GORASP1: variants seen among roughly 807,000 people sequenced by gnomAD.
The protein encoded by GORASP1 is golgi reassembly stacking protein 1, also known as Golgi reassembly-stacking protein 1.
A neutral mutation model predicts 37.7 loss-of-function variants in GORASP1; 31 were observed. That is an observed-to-expected ratio of 0.82 (90% CI 0.62 to 1.11). The LOEUF is 1.11. Ranked by LOEUF, GORASP1 falls within the 50% of genes least tolerant of loss-of-function variation. The pLI is 0.00. For missense variants in GORASP1, 476 were observed against 560.7 expected (o/e 0.85, Z 1.53); for synonymous variants, 204 against 224.8 (o/e 0.91, Z 0.83).
intron 1 of GORASP1, among the ~76,000 whole-genome samples, chr3:39,104,479 G>C (rs1262040915): frequency 1.3e-5 from 2 of 152,182 alleles, no homozygotes; most frequent in African/African-American, 4.8e-5. Flanking sequence ...CACACCCTCA[G>C]GTCTTTGGCT....
At chr3:39,106,855 A>G in intron 1 of GORASP1, 2 of 275,644 alleles carry the variant, frequency 7.3e-6, no homozygotes, top group Non-Finnish European at 1.5e-5. Flanking sequence ...ATGTAGCGGC[A>G]TCTAAAGGCT....
Position 39,098,683 on chromosome 3 carries a change from G to A in GORASP1, c.1069+58C>T. Reference sequence around the variant, plus strand: ...CTGCCCAGCTGAGGAATTGAGGGCAGCCTTCCCAACAACCCGGGGTCCTTC... The same window carrying A: ...CTGCCCAGCTGAGGAATTGAGGGCAACCTTCCCAACAACCCGGGGTCCTTC... On this transcript the variant is annotated intron_variant, in intron 8 of 8. Transcript: ENST00000319283. This position sits in a 1 kb window ranked among gnomAD's most constrained non-coding sequence, Gnocchi z 4.7. 13 of 1,584,864 alleles carry A rather than the reference G, an allele frequency of 8.2e-6. No individual in the cohort carries two copies. The highest frequency in any genetic ancestry group is 1.1e-5 in the Non-Finnish European group (13 of 1,164,484).
At position 39,105,571 on chromosome 3, in the gene GORASP1, C is replaced by T. The variant is rs545773801; in HGVS notation, c.63+1908G>A. On this transcript the variant is annotated intron_variant, in intron 1 of 8. Coordinates refer to ENST00000319283, the MANE Select transcript of GORASP1 (RefSeq NM_031899.4). The surrounding 1 kb of genome is among the most constrained non-coding windows in gnomAD (Gnocchi z 5.4). ...CCTAACCACTGCCCTCTCCTAACAG[C>T]TGTTTCCTGGTGAATCTGCCACTAC... Among the ~76,000 whole-genome samples the T allele has an allele frequency of 6.6e-6, 1 of 152,340 alleles. No individual in the cohort carries two copies. The highest frequency in any genetic ancestry group is 6.5e-5 in the Admixed American group (1 of 15,312).
In GORASP1 at chr3:39,100,952, C is replaced by G. The variant is rs746074207; in HGVS notation, c.435+64G>C. ...AACAAAACCAGACACTTCTCATGGA[C>G]AGCACCCTTCTCTTCACACCACATC... On this transcript the variant is annotated intron_variant, in intron 4 of 8. Transcript: ENST00000319283. This position sits in a 1 kb window ranked among gnomAD's most constrained non-coding sequence, Gnocchi z 4.6. 6.2e-7 allele frequency: 1 copy of G among 1,613,512 alleles called. No individual in the cohort carries two copies. Among genetic ancestry groups the G allele is most frequent in the Non-Finnish European group, 8.5e-7 (1 of 1,179,392 alleles).
Position 39,107,507 on chromosome 3 carries a change from C to T in GORASP1, c.35G>A (p.Gly12Asp). ...GLGVSAEQPA[G>D]GAEGFHLHGV... ...GTGGAGGTGGAAGCCCTCGGCGCCGCCTGCGGGCTGCTCAGCGCTGACGCC... is the reference window on the plus strand; with the variant it reads ...GTGGAGGTGGAAGCCCTCGGCGCCGTCTGCGGGCTGCTCAGCGCTGACGCC... The change falls in exon 1 of 9, where the codon GGC (glycine) becomes GAC (aspartate). Residue 12 changes from glycine to aspartate, a missense_variant. Coordinates refer to ENST00000319283, the MANE Select transcript of GORASP1 (RefSeq NM_031899.4). 1 of 1,468,972 alleles carries T rather than the reference C, an allele frequency of 6.8e-7. No homozygotes were observed. The highest frequency in any genetic ancestry group is 8.9e-7 in the Non-Finnish European group (1 of 1,119,774). The allele number at this position is 1,468,972 out of a possible 1,614,324, so 91.0% of individuals were successfully genotyped here. A position where few individuals can be genotyped will look rare whatever the true frequency, so the allele number is the denominator to read the frequency against.
chr3:39,100,283 T>A lies in GORASP1; in HGVS notation c.765+22A>T. On this transcript the variant is annotated intron_variant, in intron 6 of 8. Coordinates refer to ENST00000319283, the MANE Select transcript of GORASP1 (RefSeq NM_031899.4). This position sits in a 1 kb window ranked among gnomAD's most constrained non-coding sequence, Gnocchi z 4.6. ...CCTCTAGAGTTTTCTGTCTTCCCAG[T>A]TGGCAGATTCTCCCCACATACCTCC... 1 of 1,609,192 alleles carries A rather than the reference T, an allele frequency of 6.2e-7. No homozygotes were observed. Among genetic ancestry groups the A allele is most frequent in the South Asian group, 1.1e-5 (1 of 91,004 alleles).
In GORASP1 at chr3:39,107,602, C is replaced by A; in HGVS notation, c.-61G>T. On this transcript the variant is annotated 5_prime_UTR_variant, in exon 1 of 9. Transcript: ENST00000319283. ...GCTGCGCCTACCCGGACCGACCCGA[C>A]GCCAGTAGCACCGACTCGCTCTCTC... The A allele has an allele frequency of 7.1e-7, 1 of 1,410,186 alleles. No individual in the cohort carries two copies. The highest frequency in any genetic ancestry group is 1.3e-5 in the South Asian group (1 of 75,010). 87.4% of individuals were successfully genotyped at this position (1,410,186 alleles called of 1,614,324 possible). A position where few individuals can be genotyped will look rare whatever the true frequency, so the allele number is the denominator to read the frequency against.
rs368825681 is a variant in GORASP1, at chr3:39,098,187, A to G, written c.*49T>C. On this transcript the variant is annotated 3_prime_UTR_variant, in exon 9 of 9. Transcript: ENST00000319283. This position sits in a 1 kb window ranked among gnomAD's most constrained non-coding sequence, Gnocchi z 4.7. ...AGTGCAGCCCGGGCTGCCTGCCCAC[A>G]TCTGGGCCTCATGAAATGTCATCAT... 2.5e-6 allele frequency: 4 copies of G among 1,593,204 alleles called. No homozygotes were observed. Among genetic ancestry groups the G allele is most frequent in the African/African-American group, 2.7e-5 (2 of 74,596 alleles).
chr3:39,103,695 G>A lies in GORASP1; in HGVS notation c.64-142C>T, dbSNP rs7629643. The A allele has an allele frequency of 0.26, 148,625 of 571,422 alleles. 28,653 individuals carry two copies. The highest frequency in any genetic ancestry group is 0.79 in the African/African-American group (41,409 of 52,160). The allele number at this position is 571,422 out of a possible 1,614,324, so 35.4% of individuals were successfully genotyped here. On this transcript the variant is annotated intron_variant, in intron 1 of 8. Transcript: ENST00000319283. This position sits in a 1 kb window ranked among gnomAD's most constrained non-coding sequence, Gnocchi z 5.2. ...GCATGAACTGTTCCGGACATTCTCA[G>A]GGTTCACTCCATGGCCTCTTGCTAC...
At position 39,102,772 on chromosome 3, in the gene GORASP1, A is replaced by G. The variant is rs1041596608; in HGVS notation, c.254T>C (p.Val85Ala). 6.8e-6 allele frequency: 11 copies of G among 1,614,070 alleles called. No homozygotes were observed. The highest frequency in any genetic ancestry group is 1.1e-5 in the South Asian group (1 of 91,092). ...CTGGCCGCCCCACATGTTGCTGGGC[A>G]CCACCTCCACCTCGCGCACCCTCAT... ...KTMRVREVEV[V>A]PSNMWGGQGL... The change falls in exon 3 of 9, where the codon GTG becomes GCG. Residue 85 changes from valine to alanine, a missense_variant. Physicochemically the swap from Val to Ala is moderately conservative, Grantham distance 64. Transcript: ENST00000319283. This position sits in a 1 kb window ranked among gnomAD's most constrained non-coding sequence, Gnocchi z 5.0.
rs1466170958 is a variant in GORASP1 at position 39,098,720 on chromosome 3, C to T, written c.1069+21G>A. On this transcript the variant is annotated intron_variant, in intron 8 of 8. Coordinates refer to ENST00000319283, the MANE Select transcript of GORASP1 (RefSeq NM_031899.4). This position sits in a 1 kb window ranked among gnomAD's most constrained non-coding sequence, Gnocchi z 4.7. Reference sequence around the variant, plus strand: ...ACCCGGGGTCCTTCCCAGAGGACTTCGGAAGGTGATGGCCACTCACCACCC... The same window carrying T: ...ACCCGGGGTCCTTCCCAGAGGACTTTGGAAGGTGATGGCCACTCACCACCC... 2.5e-6 allele frequency: 4 copies of T among 1,611,318 alleles called. No individual in the cohort carries two copies. The highest frequency in any genetic ancestry group is 4.5e-5 in the East Asian group (2 of 44,864).
In GORASP1 at chr3:39,100,406, G is replaced by C; in HGVS notation, c.664C>G (p.Leu222Val). The C allele has an allele frequency of 6.2e-7, 1 of 1,613,932 alleles. No homozygotes were observed. Among genetic ancestry groups the C allele is most frequent in the Non-Finnish European group, 8.5e-7 (1 of 1,179,880 alleles). The change falls in exon 6 of 9, where the codon CTA becomes GTA. Residue 222 changes from leucine to valine, a missense_variant. Transcript: ENST00000319283. This position sits in a 1 kb window ranked among gnomAD's most constrained non-coding sequence, Gnocchi z 4.6. ...KPPGTPPPSA[L>V]PLGAPPPDAL... ...TCAGGTGGTGGGGCACCAAGTGGTA[G>C]AGCAGAAGGTGGTGGGGTGCCAGGT...
chr3:39,097,967 TC>T lies in GORASP1; in HGVS notation c.*268del. ...CAACACTGGACAGCAACCCCTTCCT[TC>T]CTCACCTCATCTTCACACTGGATTA... On this transcript the variant is annotated 3_prime_UTR_variant, in exon 9 of 9. Coordinates refer to ENST00000319283, the MANE Select transcript of GORASP1 (RefSeq NM_031899.4). 1 of 490,628 alleles carries T rather than the reference TC, an allele frequency of 2.0e-6. No individual in the cohort carries two copies. The highest frequency in any genetic ancestry group is 2.5e-5 in the South Asian group (1 of 40,686). 30.4% of individuals were successfully genotyped at this position (490,628 alleles called of 1,614,324 possible).
In GORASP1 at chr3:39,099,509, A is replaced by AAAG; in HGVS notation, c.766-9_766-7dup. 6 of 1,607,356 alleles carry AAAG rather than the reference A, an allele frequency of 3.7e-6. 1 individual carries two copies. The highest frequency in any genetic ancestry group is 5.1e-6 in the Non-Finnish European group (6 of 1,177,312). The stretch of plus-strand genomic sequence containing the variant: ...CCAGGTGCCTGCAGCAGGGCCTAGG[A>AAAG]AAGAAGAAGAAATGGGTAGGGGACA... On this transcript the variant is annotated splice_region_variant and splice_polypyrimidine_tract_variant and intron_variant, in intron 6 of 8. Transcript: ENST00000319283.
At position 39,100,378 on chromosome 3, in the gene GORASP1, G is replaced by GCAT. The variant is rs1262749723; in HGVS notation, c.689_691dup (p.Asp230dup). 1 of 1,613,992 alleles carries GCAT rather than the reference G, an allele frequency of 6.2e-7. No homozygotes were observed. ...CTCGGGGGTGGGTCCAGGTGGTAGAGCATCAGGTGGTGGGGCACCAAGTGG... is the reference window on the plus strand; with the variant it reads ...CTCGGGGGTGGGTCCAGGTGGTAGAGCATCATCAGGTGGTGGGGCACCAAGTGG... On this transcript the variant is annotated inframe_insertion, in exon 6 of 9. Transcript: ENST00000319283. The surrounding 1 kb of genome is among the most constrained non-coding windows in gnomAD (Gnocchi z 4.6).
In GORASP1 at chr3:39,103,090, T is replaced by C; in HGVS notation, c.145-209A>G. Reference sequence around the variant, plus strand: ...TGGGACCCCCACCTTCCCCAAGCACTGCCAAACCTTCCTCAGCCTGCCAGA... The same window carrying C: ...TGGGACCCCCACCTTCCCCAAGCACCGCCAAACCTTCCTCAGCCTGCCAGA... On this transcript the variant is annotated intron_variant, in intron 2 of 8. Coordinates refer to ENST00000319283, the MANE Select transcript of GORASP1 (RefSeq NM_031899.4). The surrounding 1 kb of genome is among the most constrained non-coding windows in gnomAD (Gnocchi z 5.2). 1 of 614,292 alleles carries C rather than the reference T, an allele frequency of 1.6e-6. No homozygotes were observed. Among genetic ancestry groups the C allele is most frequent in the Non-Finnish European group, 2.9e-6 (1 of 345,450 alleles). 38.1% of individuals were successfully genotyped at this position (614,292 alleles called of 1,614,324 possible).
rs1425539753 is a variant in GORASP1 at position 39,107,499 on chromosome 3, C to T, written c.43G>A (p.Glu15Lys). ...VSAEQPAGGA[E>K]GFHLHGVQEN... The stretch of plus-strand genomic sequence containing the variant: ...CTCACCCCGTGGAGGTGGAAGCCCT[C>T]GGCGCCGCCTGCGGGCTGCTCAGCG... The change falls in exon 1 of 9, where the codon GAG becomes AAG. Residue 15 changes from glutamate to lysine, a missense_variant. Coordinates refer to ENST00000319283, the MANE Select transcript of GORASP1 (RefSeq NM_031899.4). 1.4e-6 allele frequency: 2 copies of T among 1,458,654 alleles called. No homozygotes were observed. Among genetic ancestry groups the T allele is most frequent in the African/African-American group, 1.5e-5 (1 of 67,728 alleles). 90.4% of individuals were successfully genotyped at this position (1,458,654 alleles called of 1,614,324 possible).
intron 3 of GORASP1, chr3:39,101,447 C>A (rs886180830): frequency 9.8e-6 from 5 of 511,712 alleles, no homozygotes; most frequent in African/African-American, 9.6e-5. Flanking sequence ...GTAAGATACA[C>A]AGTACCTAAT....
Position 39,098,664 on chromosome 3 carries a change from A to C in GORASP1, c.1069+77T>G, listed in dbSNP as rs529630313. On this transcript the variant is annotated intron_variant, in intron 8 of 8. Coordinates refer to ENST00000319283, the MANE Select transcript of GORASP1 (RefSeq NM_031899.4). This position sits in a 1 kb window ranked among gnomAD's most constrained non-coding sequence, Gnocchi z 4.7. ...TCAACCCGATGGCCCACTTCTGCCC[A>C]GCTGAGGAATTGAGGGCAGCCTTCC... is the stretch of plus-strand genomic sequence containing the variant. 2 of 1,560,818 alleles carry C rather than the reference A, an allele frequency of 1.3e-6. No individual in the cohort carries two copies. The highest frequency in any genetic ancestry group is 3.5e-5 in the Admixed American group (2 of 56,938).
Sources: allele counts gnomAD v4.1 joint callset (sites outside exome capture counted in the v4.1 genomes callset), GRCh38; gene constraint gnomAD v4.1.1; non-coding constraint Gnocchi (gnomAD v3.1); transcripts MANE v1.5; gene names NCBI Gene and HGNC (gene_info 2026-07-23, HGNC 2026-07-21).